Variants in PLD5 observed in about 807,000 individuals in gnomAD.
PLD5 encodes the protein inactive phospholipase D5.
In PLD5, 36 loss-of-function variants were observed where a neutral mutation model predicts 61.1. The observed-to-expected ratio is 0.59, with a 90% confidence interval of 0.45 to 0.78. PLD5 has a LOEUF of 0.78. Among genes scored for constraint, PLD5 ranks in the 30% least tolerant of loss-of-function variants. The pLI is 0.00. For missense variants in PLD5, 515 were observed against 644.4 expected (o/e 0.80, Z 2.17); for synonymous variants, 243 against 242.8 (o/e 1.00, Z -0.01).
intron 5 of PLD5, among the ~76,000 whole-genome samples, chr1:242,167,554 G>A (rs1463732928): frequency 1.3e-5 from 2 of 152,170 alleles, no homozygotes; most frequent in African/African-American, 2.4e-5. Context: ...TGAGATTTGG[G>A]TGGGGACACA....
At chr1:242,274,493 G>A (rs1253434110) in intron 3 of PLD5, among the ~76,000 whole-genome samples, 3 of 152,196 alleles carry the variant, frequency 2.0e-5, no homozygotes, top group African/African-American at 4.8e-5. Flanking sequence ...GGTGGCTCAC[G>A]CCTGTAATCC....
intron 1 of PLD5, among the ~76,000 whole-genome samples, chr1:242,518,006 A>G (rs1669160075): frequency 6.6e-6 from 1 of 152,180 alleles, no homozygotes; most frequent in Admixed American, 6.5e-5. Flanking sequence ...AGTCAGTGAA[A>G]CACAAGGCTC....
intron 1 of PLD5, among the ~76,000 whole-genome samples, chr1:242,388,367 T>A (rs1339721934): frequency 6.6e-6 from 1 of 152,124 alleles, no homozygotes; most frequent in African/African-American, 2.4e-5. Flanking sequence ...TCTGACATTT[T>A]CCCCTAGCTA....
intron 1 of PLD5, among the ~76,000 whole-genome samples, chr1:242,487,796 T>C (rs996503100): frequency 2.7e-5 from 4 of 147,748 alleles, no homozygotes; most frequent in East Asian, 1.9e-4. Context: ...ATTTTCAACA[T>C]TGTATTTCTT....
At chr1:242,144,237 C>A (rs1297387257) in intron 5 of PLD5, among the ~76,000 whole-genome samples, 3 of 136,066 alleles carry the variant, frequency 2.2e-5, no homozygotes, top group East Asian at 2.0e-4. Context: ...AGCCACCACA[C>A]CCAGCCTCAA....
At chr1:242,291,132 A>T (rs1308761951) in intron 2 of PLD5, among the ~76,000 whole-genome samples, 1 of 152,016 alleles carries the variant, frequency 6.6e-6, no homozygotes, top group African/African-American at 2.4e-5. Flanking sequence ...TGCATTTCAC[A>T]TGCATTGTCC....
At chr1:242,406,925 G>A (rs900426170) in intron 1 of PLD5, among the ~76,000 whole-genome samples, 2 of 152,132 alleles carry the variant, frequency 1.3e-5, no homozygotes, top group African/African-American at 4.8e-5. Flanking sequence ...TAGGTTTTTG[G>A]TTCTGTAGGG....
chr1:242,508,745 GA>G lies in PLD5; in HGVS notation c.189+15342del, dbSNP rs139199343. Reference sequence around the variant, plus strand: ...TCAAGTAAAGTGAGATATCCAAATAGAAAAAAAAAGTAGCCTAATAAAATAA... The same window carrying G: ...TCAAGTAAAGTGAGATATCCAAATAGAAAAAAAAGTAGCCTAATAAAATAA... On this transcript the variant is annotated intron_variant, in intron 1 of 9. Transcript: ENST00000536534. 4.6e-5 allele frequency among the ~76,000 whole-genome samples: 7 copies of G among 150,902 alleles called. No individual in the cohort carries two copies. The South Asian group carries it at 8.4e-4, about 18-fold the overall frequency.
rs536521017 is a variant in PLD5, at chr1:242,200,777, C to A, written c.735+19211G>T. On this transcript the variant is annotated intron_variant, in intron 5 of 9. Transcript: ENST00000536534. Reference sequence around the variant, plus strand: ...GTGAAATGAGGCTTCTGAAGCCTGTCCTGCATCTCACGCAGGGGTGCAAGT... The same window carrying A: ...GTGAAATGAGGCTTCTGAAGCCTGTACTGCATCTCACGCAGGGGTGCAAGT... 1.0e-3 allele frequency among the ~76,000 whole-genome samples: 157 copies of A among 152,310 alleles called. 1 individual carries two copies. The highest frequency in any genetic ancestry group is 3.7e-3 in the African/African-American group (153 of 41,568).
At chr1:242,143,181 C>T (rs1177217628) in intron 5 of PLD5, among the ~76,000 whole-genome samples, 4 of 152,062 alleles carry the variant, frequency 2.6e-5, no homozygotes, top group Admixed American at 1.3e-4. Context: ...GCACCTGCCA[C>T]GACGCCAGCT....
At chr1:242,439,598 G>C (rs1198097575) in intron 1 of PLD5, among the ~76,000 whole-genome samples, 3 of 152,200 alleles carry the variant, frequency 2.0e-5, no homozygotes, top group Admixed American at 2.0e-4. Flanking sequence ...CAGAGAGGAA[G>C]AAAGAAAGGG....
At chr1:242,223,241 C>A (rs138003514) in intron 4 of PLD5, among the ~76,000 whole-genome samples, 1 of 152,300 alleles carries the variant, frequency 6.6e-6, no homozygotes, top group Non-Finnish European at 1.5e-5. Context: ...TTTCCTAACC[C>A]AGTCACTGCC....
intron 5 of PLD5, among the ~76,000 whole-genome samples, chr1:242,164,049 G>A (rs547361576): frequency 6.6e-6 from 1 of 152,056 alleles, no homozygotes; most frequent in African/African-American, 2.4e-5. Context: ...TGAAGACCAT[G>A]TATGTGCAAA....
intron 1 of PLD5, among the ~76,000 whole-genome samples, chr1:242,351,107 G>A (rs1660452184): frequency 6.6e-6 from 1 of 151,906 alleles, no homozygotes; most frequent in African/African-American, 2.4e-5. Flanking sequence ...CTCCATGTTG[G>A]TCAGGCTAGT....
rs1336795857 is a variant in PLD5 at position 242,113,903 on chromosome 1, T to C, written c.1057A>G (p.Thr353Ala). ...GCATTCACTGACCTTTTGGTGCTTG[T>C]GCTGGAGATAGGCAGGTAGTCCATG... Reference protein sequence around the residue: ...AVMDYLPISSTSTKRTYWPDL... With the variant: ...AVMDYLPISSASTKRTYWPDL... The change falls in exon 7 of 10, where the codon ACA becomes GCA. Residue 353 changes from threonine (T) to alanine (A), a missense_variant. Transcript: ENST00000536534. The C allele has an allele frequency of 3.7e-6, 6 of 1,613,232 alleles. No homozygotes were observed. The highest frequency in any genetic ancestry group is 5.1e-6 in the Non-Finnish European group (6 of 1,179,680).
At chr1:242,133,615 T>C (rs1413012644) in intron 5 of PLD5, among the ~76,000 whole-genome samples, 2 of 152,176 alleles carry the variant, frequency 1.3e-5, no homozygotes, top group Non-Finnish European at 2.9e-5. Context: ...TCTTTCTTCC[T>C]TCCCTCCCTC....
chr1:242,166,509 A>G (rs1666315326), intron 5 of PLD5, among the ~76,000 whole-genome samples: 1 of 152,030 alleles, frequency 6.6e-6, no homozygotes, highest in South Asian at 2.1e-4. Context: ...GGAGCACTGC[A>G]TACCTCCAGG....
intron 1 of PLD5, among the ~76,000 whole-genome samples, chr1:242,438,871 A>T (rs985230546): frequency 6.6e-6 from 1 of 152,188 alleles, no homozygotes; most frequent in African/African-American, 2.4e-5. Flanking sequence ...TTTAACCAAC[A>T]ATCCCTGTTT....
At chr1:242,507,488 A>T (rs150869241) in intron 1 of PLD5, among the ~76,000 whole-genome samples, 235 of 152,330 alleles carry the variant, frequency 1.5e-3, no homozygotes, top group African/African-American at 5.4e-3. Context: ...CTATAGCAAT[A>T]GTGACAGTGA....
Sources: allele counts gnomAD v4.1 joint callset (sites outside exome capture counted in the v4.1 genomes callset), GRCh38; gene constraint gnomAD v4.1.1; transcripts MANE v1.5; gene names NCBI Gene and HGNC (gene_info 2026-07-23, HGNC 2026-07-21).